Variants in MPI observed in about 807,000 individuals in gnomAD.
MPI encodes mannose-6-phosphate isomerase.
Under a neutral mutation model 40.1 loss-of-function variants are expected in MPI, and 33 were observed. That is an observed-to-expected ratio of 0.82 (90% CI 0.62 to 1.10). The LOEUF (loss-of-function observed/expected upper bound fraction) is 1.10. MPI is among the 50% of genes least tolerant of loss of function. The pLI is 0.00. For missense variants in MPI, 514 were observed against 524.1 expected, an observed-to-expected ratio of 0.98 and a Z score of 0.19; for synonymous variants, 187 against 207.4, an observed-to-expected ratio of 0.90 and a Z score of 0.85.
rs770421382 is a variant in MPI, at chr15:74,890,080, G to C, written c.7G>C (p.Ala3Pro). The C allele has an allele frequency of 6.2e-7, 1 of 1,607,770 alleles. No individual in the cohort carries two copies. Among genetic ancestry groups the C allele is most frequent in the Non-Finnish European group, 8.5e-7 (1 of 1,179,964 alleles). Residue 3 changes from alanine to proline, a missense_variant, in exon 1 of 8, where the codon GCT becomes CCT. Ala to Pro is a conservative substitution (Grantham distance 27). Transcript: ENST00000352410. The stretch of plus-strand genomic sequence containing the variant: ...CCTGGTGCAGGGGGCGAGCATGGCC[G>C]CTCCGCGAGGTGAGCCATTGGCTGG... MA[A>P]PRVFPLSCAV...
At chr15:74,890,896 GC>G in intron 2 of MPI, 1 of 656,692 alleles carries the variant, frequency 1.5e-6, no homozygotes. Context: ...TTTTAATTCA[GC>G]CCTCTTTGAC....
In MPI at chr15:74,896,201, G is replaced by C; in HGVS notation, c.720G>C (p.Gln240His). The change falls in exon 6 of 8, where the codon CAG becomes CAC. Residue 240 changes from glutamine (Q) to histidine (H), a missense_variant. Physicochemically the swap from Gln to His is conservative, Grantham distance 24 (BLOSUM62 0). Transcript: ENST00000352410. ...MEDIFGELLL[Q>H]LHQQYPGDIG... The stretch of plus-strand genomic sequence containing the variant: ...ACATCTTTGGGGAGCTTTTGCTACA[G>C]CTGCACCAGCAGTACCCAGGTGATA... 6.2e-7 allele frequency: 1 copy of C among 1,614,164 alleles called. No individual in the cohort carries two copies. The highest frequency in any genetic ancestry group is 8.5e-7 in the Non-Finnish European group (1 of 1,180,030).
rs2064919371 is a variant in MPI, at chr15:74,900,733, C to T, written c.*3003C>T. On this transcript the variant is annotated 3_prime_UTR_variant, in exon 8 of 8. Coordinates refer to ENST00000352410, the MANE Select transcript of MPI (RefSeq NM_002435.3). ...GGCCACTGCATAGAGCTGCAGAGTC[C>T]CATTCCAGAACAGAGTAACCATCTG... 1 of 152,212 alleles carries T rather than the reference C, an allele frequency of 6.6e-6. No homozygotes were observed. Among genetic ancestry groups the T allele is most frequent in the Non-Finnish European group, 1.5e-5 (1 of 68,058 alleles). 9.4% of individuals were successfully genotyped at this position (152,212 alleles called of 1,614,324 possible). A position where few individuals can be genotyped will look rare whatever the true frequency, so the allele number is the denominator to read the frequency against.
In MPI at chr15:74,897,663, A is replaced by G. The variant is rs863225086; in HGVS notation, c.1205A>G (p.Glu402Gly). Reference protein sequence around the residue: ...RGGVLFIGANESVSLKLTEPK... With the variant: ...RGGVLFIGANGSVSLKLTEPK... ...GGCGTGCTCTTCATTGGGGCCAATG[A>G]GAGTGTCTCACTGAAGCTTACTGAG... Residue 402 changes from glutamate to glycine, a missense_variant, in exon 8 of 8, where the codon GAG becomes GGG. Glu to Gly is a moderately conservative substitution (Grantham distance 98, BLOSUM62 -2). Transcript: ENST00000352410. 2 of 1,614,160 alleles carry G rather than the reference A, an allele frequency of 1.2e-6. No individual in the cohort carries two copies. The highest frequency in any genetic ancestry group is 1.7e-6 in the Non-Finnish European group (2 of 1,180,022).
chr15:74,893,407 C>A, intron 5 of MPI, 87 bp downstream of exon 5: 1 of 1,493,958 alleles, frequency 6.7e-7, no homozygotes, highest in East Asian at 2.3e-5. Context: ...GTTCTCAACC[C>A]CCTTGCCCAA....
rs200808502 is a variant in MPI at position 74,896,314 on chromosome 15, A to T, written c.833A>T (p.Tyr278Phe). The change falls in exon 6 of 8, where the codon TAC becomes TTC. Residue 278 changes from tyrosine to phenylalanine, a missense_variant. By Grantham distance (22) the Tyr-to-Phe change is conservative. Coordinates refer to ENST00000352410, the MANE Select transcript of MPI (RefSeq NM_002435.3). ...MFLEANVPHAYLKGDCVECMA... is the reference protein window; with the variant it reads ...MFLEANVPHAFLKGDCVECMA... ...CTGGAGGCCAACGTACCCCATGCCTACCTGAAAGGAGGTGAGCCACATTTC... is the reference window on the plus strand; with the variant it reads ...CTGGAGGCCAACGTACCCCATGCCTTCCTGAAAGGAGGTGAGCCACATTTC... 9.3e-6 allele frequency: 15 copies of T among 1,614,048 alleles called. No individual in the cohort carries two copies. The highest frequency in any genetic ancestry group is 3.3e-5 in the Admixed American group (2 of 59,990).
rs938525015 is a variant in MPI at position 74,900,836 on chromosome 15, G to A, written c.*3106G>A. 6.6e-6 allele frequency: 1 copy of A among 152,190 alleles called. No individual in the cohort carries two copies. The highest frequency in any genetic ancestry group is 2.4e-5 in the African/African-American group (1 of 41,444). The allele number at this position is 152,190 out of a possible 1,614,324, so 9.4% of individuals were successfully genotyped here. On this transcript the variant is annotated 3_prime_UTR_variant, in exon 8 of 8. Coordinates refer to ENST00000352410, the MANE Select transcript of MPI (RefSeq NM_002435.3). Reference sequence around the variant, plus strand: ...TCTGCTGTGATGCTCCTAGCTAGTAGAGTAAGTCAGCCCCCAGATACTGTA... The same window carrying A: ...TCTGCTGTGATGCTCCTAGCTAGTAAAGTAAGTCAGCCCCCAGATACTGTA...
Position 74,901,038 on chromosome 15 carries a change from G to A in MPI, c.*3308G>A, listed in dbSNP as rs189578178. The A allele has an allele frequency of 2.0e-5, 3 of 152,318 alleles. No individual in the cohort carries two copies. In the East Asian group the frequency reaches 5.8e-4, roughly 29 times the overall value. The allele number at this position is 152,318 out of a possible 1,614,324, so 9.4% of individuals were successfully genotyped here. Reference sequence around the variant, plus strand: ...TGTGGTAGAGCGAAAAGAGTGTGTTGTCCCTCTCATGCCTCTGGTGGTCAC... The same window carrying A: ...TGTGGTAGAGCGAAAAGAGTGTGTTATCCCTCTCATGCCTCTGGTGGTCAC... On this transcript the variant is annotated 3_prime_UTR_variant, in exon 8 of 8. Coordinates refer to ENST00000352410, the MANE Select transcript of MPI (RefSeq NM_002435.3).
At chr15:74,891,699 C>G in intron 3 of MPI, 120 bp downstream of exon 3, 2 of 1,101,688 alleles carry the variant, frequency 1.8e-6, no homozygotes, top group Non-Finnish European at 2.7e-6. Context: ...AGGCCAAATC[C>G]AGGCTGACAA....
intron 3 of MPI, among the ~76,000 whole-genome samples, chr15:74,892,380 G>C (rs2064739843): frequency 6.6e-6 from 1 of 152,256 alleles, no homozygotes; most frequent in African/African-American, 2.4e-5. Flanking sequence ...TCAGAGCTTG[G>C]TCTGGTATTT....
intron 6 of MPI, chr15:74,896,644 G>A: frequency 1.6e-6 from 1 of 611,566 alleles, no homozygotes; most frequent in African/African-American, 1.8e-5. Context: ...GCCTTTGTAT[G>A]TCTGTCCTAC....
intron 2 of MPI, chr15:74,891,001 G>A (rs1388280457): frequency 3.5e-6 from 2 of 566,724 alleles, no homozygotes; most frequent in Admixed American, 2.2e-5. Flanking sequence ...CAAAGCATAG[G>A]AAGGCTTTCG....
rs530392899 is a variant in MPI, at chr15:74,890,059, G to A, written c.-15G>A. 6.2e-7 allele frequency: 1 copy of A among 1,606,512 alleles called. No individual in the cohort carries two copies. The highest frequency in any genetic ancestry group is 1.7e-5 in the Admixed American group (1 of 60,016). The stretch of plus-strand genomic sequence containing the variant: ...GGAAAGGCATACGTGCTTAATCCTG[G>A]TGCAGGGGGCGAGCATGGCCGCTCC... On this transcript the variant is annotated 5_prime_UTR_variant, in exon 1 of 8. It adds an upstream start codon to the 5' untranslated region. Coordinates refer to ENST00000352410, the MANE Select transcript of MPI (RefSeq NM_002435.3).
chr15:74,896,610 G>A (rs1026070944), intron 6 of MPI: 1 of 622,116 alleles, frequency 1.6e-6, no homozygotes, highest in Non-Finnish European at 2.9e-6. Flanking sequence ...GGCTATATTG[G>A]ATCAAAGCTG....
chr15:74,891,281 G>A (rs1416194344), intron 2 of MPI, 98 bp from the exon 3 acceptor site: 6 of 1,152,310 alleles, frequency 5.2e-6, no homozygotes, highest in Non-Finnish European at 7.9e-6. Flanking sequence ...CCAGGACTCA[G>A]TTGCCCTGTG....
In MPI at chr15:74,892,659, A is replaced by G. The variant is rs2064744177; in HGVS notation, c.346-2A>G. 1 of 1,614,042 alleles carries G rather than the reference A, an allele frequency of 6.2e-7. No homozygotes were observed. Among genetic ancestry groups the G allele is most frequent in the South Asian group, 1.1e-5 (1 of 91,094 alleles). On this transcript the variant is annotated splice_acceptor_variant, in intron 3 of 7. Transcript: ENST00000352410. LOFTEE classifies it high-confidence loss of function. ...CCTCCTCTTCCCCTGGCCACCCCAC[A>G]GGAGCTGGCAGAGAAGCTGCACCTC...
At chr15:74,894,101 T>TTTTCTGAGCCA (rs2064777375) in intron 5 of MPI, among the ~76,000 whole-genome samples, 1 of 25,336 alleles carries the variant, frequency 3.9e-5, no homozygotes, top group African/African-American at 1.5e-4. Flanking sequence ...TGTGTGTGTG[T>TTTTCTGAGCCA]GTGTGTGGTC....
intron 2 of MPI, chr15:74,890,878 T>G: frequency 1.5e-6 from 1 of 671,278 alleles, no homozygotes; most frequent in Non-Finnish European, 2.6e-6. Flanking sequence ...CTCTTAGCAC[T>G]TAGTGAATTT....
chr15:74,891,079 C>T (rs564048255), intron 2 of MPI: 72 of 585,754 alleles, frequency 1.2e-4, no homozygotes, highest in Admixed American at 4.8e-4. Flanking sequence ...CATAGTTTTT[C>T]TGCTACCTTG....
Sources: allele counts gnomAD v4.1 joint callset (sites outside exome capture counted in the v4.1 genomes callset), GRCh38; gene constraint gnomAD v4.1.1; transcripts MANE v1.5; gene names NCBI Gene and HGNC (gene_info 2026-07-23, HGNC 2026-07-21).